The following TDG variants were observed in gnomAD, a reference collection of about 807,000 sequenced individuals.
TDG encodes G/T mismatch-specific thymine DNA glycosylase.
A neutral mutation model predicts 46.1 loss-of-function variants in TDG; 23 were observed. The ratio of observed to expected loss-of-function variants is 0.50; its 90% CI spans 0.36 to 0.71. The LOEUF is 0.71. Among genes scored for constraint, TDG ranks in the 30% least tolerant of loss-of-function variants. The pLI is 0.00. For synonymous variants in TDG, 115 were observed against 161.3 expected, an observed-to-expected ratio of 0.71 and a Z score of 2.18; for missense variants, 304 against 486.7, an observed-to-expected ratio of 0.62 and a Z score of 3.53.
chr12:103,971,711 T>C (rs1871290882), intron 1 of TDG, among the ~76,000 whole-genome samples: 1 of 152,022 alleles, frequency 6.6e-6, no homozygotes, highest in Non-Finnish European at 1.5e-5. Context: ...CTAAGATAAA[T>C]GATGGGGGAA....
At chr12:103,979,228 G>A (rs773064956) in intron 2 of TDG, among the ~76,000 whole-genome samples, 1 of 150,018 alleles carries the variant, frequency 6.7e-6, no homozygotes, top group African/African-American at 2.5e-5. Context: ...TCAGCTTCCC[G>A]AGTAGTTGGA....
chr12:103,966,170 A>C, intron 1 of TDG, 110 bp downstream of exon 1: 1 of 1,327,998 alleles, frequency 7.5e-7, no homozygotes, highest in Non-Finnish European at 9.9e-7. Flanking sequence ...CGGAATACAA[A>C]GGCCGGGGCC....
Position 103,966,028 on chromosome 12 carries a change from GC to G in TDG, c.-8del. 6.3e-7 allele frequency: 1 copy of G among 1,596,628 alleles called. No homozygotes were observed. Among genetic ancestry groups the G allele is most frequent in the Non-Finnish European group, 8.5e-7 (1 of 1,172,274 alleles). On this transcript the variant is annotated 5_prime_UTR_variant, in exon 1 of 10. Coordinates refer to ENST00000392872, the MANE Select transcript of TDG (RefSeq NM_003211.6). Reference sequence around the variant, plus strand: ...GCAGGTGGAGCCGCCCGCATCAGCGGCCTCGGGGAATGGAAGCGGAGAACGC... The same window carrying G: ...GCAGGTGGAGCCGCCCGCATCAGCGGCTCGGGGAATGGAAGCGGAGAACGC...
At chr12:103,977,247 AT>A (rs1335405565) in intron 2 of TDG, among the ~76,000 whole-genome samples, 187 bp downstream of exon 2, 11 of 152,256 alleles carry the variant, frequency 7.2e-5, no homozygotes, top group African/African-American at 2.7e-4. Flanking sequence ...GCCCAAAAAT[AT>A]CTCATAATCT....
intron 1 of TDG, among the ~76,000 whole-genome samples, chr12:103,969,032 G>T (rs1164795272): frequency 6.6e-6 from 1 of 152,204 alleles, no homozygotes; most frequent in Non-Finnish European, 1.5e-5. Context: ...TATCAGTTCA[G>T]AAAGAAAGCA....
In TDG at chr12:103,986,939, T is replaced by C. The variant is rs766675181; in HGVS notation, c.1091-9T>C. ...GGCATAAACTAACTTTGTTTTTCTT[T>C]TCTGGCAGTTGAGAGCGTGGAGTTA... On this transcript the variant is annotated splice_polypyrimidine_tract_variant and intron_variant, in intron 9 of 9. Transcript: ENST00000392872. 9.8e-7 allele frequency: 1 copy of C among 1,019,872 alleles called. No homozygotes were observed. Among genetic ancestry groups the C allele is most frequent in the Non-Finnish European group, 1.2e-6 (1 of 827,736 alleles). The allele number at this position is 1,019,872 out of a possible 1,614,324, so 63.2% of individuals were successfully genotyped here.
chr12:103,971,594 A>G (rs1012250850), intron 1 of TDG, among the ~76,000 whole-genome samples: 8 of 152,118 alleles, frequency 5.3e-5, no homozygotes, highest in Non-Finnish European at 8.8e-5. Flanking sequence ...AAAACAATCT[A>G]TGAGCGCTGC....
At chr12:103,981,035 CA>C (rs1871796393) in intron 4 of TDG, 73 bp downstream of exon 4, 1 of 1,350,106 alleles carries the variant, frequency 7.4e-7, no homozygotes, top group Non-Finnish European at 1.0e-6. Flanking sequence ...TCAGAAAAAC[CA>C]ATTGTGTTTT....
intron 2 of TDG, among the ~76,000 whole-genome samples, chr12:103,978,139 A>G (rs973626753): frequency 2.0e-5 from 3 of 152,184 alleles, no homozygotes; most frequent in African/African-American, 7.2e-5. Context: ...ACACTGTTTG[A>G]ATAATCTAGG....
In TDG at chr12:103,980,346, C is replaced by G. The variant is rs554258902; in HGVS notation, c.408+274C>G. The G allele has an allele frequency of 1.3e-5, 5 of 390,262 alleles. No homozygotes were observed. The South Asian group carries it at 1.4e-4, about 11-fold the overall frequency. 24.2% of individuals were successfully genotyped at this position (390,262 alleles called of 1,614,324 possible). On this transcript the variant is annotated intron_variant, in intron 3 of 9. Coordinates refer to ENST00000392872, the MANE Select transcript of TDG (RefSeq NM_003211.6). ...AACACCGGTTTTCTCATTGATAAAC[C>G]AGGGGTGATAATACCACCCCCCGAT...
At chr12:103,969,171 G>T (rs1441497166) in intron 1 of TDG, among the ~76,000 whole-genome samples, 4 of 152,208 alleles carry the variant, frequency 2.6e-5, no homozygotes, top group Non-Finnish European at 5.9e-5. Flanking sequence ...CTAGCTTAAT[G>T]CTCCTAACCA....
chr12:103,985,557 A>T (rs1247399100), intron 8 of TDG, 46 bp from the exon 9 acceptor site: 1 of 1,557,104 alleles, frequency 6.4e-7, no homozygotes. Context: ...TACTTTTAAA[A>T]TTGTTGTACA....
intron 8 of TDG, among the ~76,000 whole-genome samples, chr12:103,985,286 T>A (rs1872084791): frequency 6.6e-6 from 1 of 151,454 alleles, no homozygotes; most frequent in Non-Finnish European, 1.5e-5. Context: ...GCTCTGATAA[T>A]GAATATTAGT....
intron 1 of TDG, among the ~76,000 whole-genome samples, chr12:103,967,205 A>G (rs1475160211): frequency 6.6e-6 from 1 of 152,236 alleles, no homozygotes; most frequent in Non-Finnish European, 1.5e-5. Flanking sequence ...AGGGTCTTAC[A>G]GCAAAATAGT....
chr12:103,981,489 C>A (rs1044812319), intron 4 of TDG, among the ~76,000 whole-genome samples: 1 of 151,970 alleles, frequency 6.6e-6, no homozygotes, highest in Non-Finnish European at 1.5e-5. Flanking sequence ...CCCACCTCAG[C>A]CTCCCAAAGT....
intron 4 of TDG, among the ~76,000 whole-genome samples, chr12:103,982,401 A>G (rs929289004): frequency 2.6e-5 from 4 of 152,188 alleles, no homozygotes; most frequent in Admixed American, 6.5e-5. Context: ...CTGAGTTGCT[A>G]TATATTCTTG....
chr12:103,970,976 T>C (rs1396988739), intron 1 of TDG, among the ~76,000 whole-genome samples: 1 of 152,010 alleles, frequency 6.6e-6, no homozygotes, highest in East Asian at 1.9e-4. Flanking sequence ...ATGATACAGA[T>C]AAAAAGAATG....
At chr12:103,985,388 A>G (rs1380696775) in intron 8 of TDG, among the ~76,000 whole-genome samples, 1 of 152,096 alleles carries the variant, frequency 6.6e-6, no homozygotes, top group African/African-American at 2.4e-5. Context: ...AGAGGGATGT[A>G]AGAAATATTG....
chr12:103,984,976 T>C (rs927232899), intron 8 of TDG, 56 bp downstream of exon 8: 6 of 1,357,334 alleles, frequency 4.4e-6, no homozygotes, highest in Non-Finnish European at 5.9e-6. Flanking sequence ...TATACACATA[T>C]ATACTTACAT....
Sources: gnomAD v4.1 joint callset for allele counts (sites outside exome capture counted in the v4.1 genomes callset) on GRCh38, gnomAD v4.1.1 for gene constraint, MANE v1.5 for transcripts, NCBI Gene and HGNC (gene_info 2026-07-23, HGNC 2026-07-21) for gene names.